Variants in DNAH3 observed in about 807,000 individuals in gnomAD.
DNAH3 encodes axonemal beta dynein heavy chain 3.
Under a neutral mutation model 432.5 loss-of-function variants are expected in DNAH3, and 332 were observed. That is an observed-to-expected ratio of 0.77 (90% CI 0.70 to 0.84). The LOEUF (loss-of-function observed/expected upper bound fraction) is 0.84, where lower values mean the gene tolerates loss of function less well. Ranked by LOEUF, DNAH3 falls within the 40% of genes least tolerant of loss-of-function variation. The pLI is 0.00. For synonymous variants in DNAH3, 1,956 were observed against 1,900.2 expected (o/e 1.03, Z -0.76); for missense variants, 4,861 against 5,114.0 (o/e 0.95, Z 1.51).
chr16:20,975,359 G>T (rs772790603), exon 51 of DNAH3: 2 of 1,614,086 alleles, frequency 1.2e-6, no homozygotes, highest in African/African-American at 2.7e-5. Flanking sequence ...CAGTTTCCTC[G>T]GAGGTGAGGA....
At chr16:21,076,323 C>A (rs9933637) in intron 20 of DNAH3, among the ~76,000 whole-genome samples, 39,506 of 152,024 alleles carry the variant, frequency 0.26, 5,382 homozygotes, top group Admixed American at 0.34. Context: ...ATCTGCAAGC[C>A]AAGGAGAGAG....
At chr16:21,048,371 T>C (rs1158798792) in intron 31 of DNAH3, among the ~76,000 whole-genome samples, 1 of 152,168 alleles carries the variant, frequency 6.6e-6, no homozygotes, top group Non-Finnish European at 1.5e-5. Flanking sequence ...CAGGATATAA[T>C]CTCGTGGTGC....
intron 49 of DNAH3, among the ~76,000 whole-genome samples, chr16:20,981,277 A>G (rs1469873471): frequency 2.0e-5 from 3 of 152,298 alleles, no homozygotes; most frequent in Non-Finnish European, 4.4e-5. Context: ...AATGTTTCCC[A>G]TTCATATTCA....
At chr16:21,098,892 C>T (rs571685777) in intron 16 of DNAH3, 123 bp from the exon 17 acceptor site, 2 of 903,760 alleles carry the variant, frequency 2.2e-6, no homozygotes, top group African/African-American at 3.4e-5. Flanking sequence ...AGATTTCCTC[C>T]CCCAATACTC....
At chr16:21,134,732 T>C (rs188976162) in intron 6 of DNAH3, among the ~76,000 whole-genome samples, 4 of 152,140 alleles carry the variant, frequency 2.6e-5, no homozygotes, top group African/African-American at 7.2e-5. Flanking sequence ...CCAGGCTCGA[T>C]TGCAATGGTT....
intron 57 of DNAH3, among the ~76,000 whole-genome samples, chr16:20,947,791 G>GT (rs1013394114): frequency 4.0e-5 from 6 of 151,882 alleles, no homozygotes; most frequent in African/African-American, 1.5e-4. Context: ...TTGTTTGTTT[G>GT]TTTTTTTGAG....
At chr16:21,140,411 G>C in intron 5 of DNAH3, 125 bp downstream of exon 6, 1 of 1,013,366 alleles carries the variant, frequency 9.9e-7, no homozygotes, top group South Asian at 1.6e-5. Context: ...CCTGTCTTGG[G>C]TCTAGACTTT....
chr16:21,131,668 G>C (rs901278659), intron 7 of DNAH3, among the ~76,000 whole-genome samples: 4 of 151,804 alleles, frequency 2.6e-5, no homozygotes, highest in African/African-American at 4.8e-5. Context: ...TGACCAACAT[G>C]GAGAAACCCT....
At position 21,027,129 on chromosome 16, in the gene DNAH3, T is replaced by TA; in HGVS notation, c.5440-3dup. The TA allele has an allele frequency of 6.2e-7, 1 of 1,610,888 alleles. No homozygotes were observed. The highest frequency in any genetic ancestry group is 1.1e-5 in the South Asian group (1 of 91,010). ...AATTTCCCCACTCATGAGACACAGCTAAAAGTGCAAAGCAGAGGGTAGCAG... is the reference window on the plus strand; with the variant it reads ...AATTTCCCCACTCATGAGACACAGCTAAAAAGTGCAAAGCAGAGGGTAGCAG... On this transcript the variant is annotated splice_region_variant and splice_polypyrimidine_tract_variant and intron_variant, in intron 37 of 61. Coordinates refer to ENST00000261383, the Ensembl canonical transcript of DNAH3.
At chr16:21,130,262 G>C (rs1302532236) in intron 7 of DNAH3, among the ~76,000 whole-genome samples, 1 of 151,388 alleles carries the variant, frequency 6.6e-6, no homozygotes, top group Non-Finnish European at 1.5e-5. Flanking sequence ...GCTGGATAAG[G>C]AAGAGCGGAA....
At chr16:21,013,219 G>GTATCTT (rs2087692294) in intron 41 of DNAH3, among the ~76,000 whole-genome samples, 1 of 151,898 alleles carries the variant, frequency 6.6e-6, no homozygotes, top group East Asian at 1.9e-4. Context: ...AACAAAAGCT[G>GTATCTT]TATCTTTGAA....
At chr16:20,980,235 T>TACATCA (rs1567571800) in intron 49 of DNAH3, among the ~76,000 whole-genome samples, 2 of 107,214 alleles carry the variant, frequency 1.9e-5, no homozygotes, top group Non-Finnish European at 4.2e-5. Context: ...TTTATTTATA[T>TACATCA]TATATATATA....
intron 45 of DNAH3, 41 bp downstream of exon 45, chr16:20,987,901 A>AC (rs771998085): frequency 6.2e-7 from 1 of 1,613,658 alleles, no homozygotes; most frequent in Admixed American, 1.7e-5. Context: ...GAAACTGAGA[A>AC]CCCCCAGCCC....
intron 48 of DNAH3, among the ~76,000 whole-genome samples, chr16:20,984,760 G>C (rs11862926): frequency 0.025 from 3,807 of 152,178 alleles, 181 homozygotes; most frequent in African/African-American, 0.087. Context: ...AGCTACTCAG[G>C]AGGCTGAGGC....
intron 28 of DNAH3, among the ~76,000 whole-genome samples, chr16:21,052,158 A>G (rs2089981697): frequency 6.6e-6 from 1 of 151,892 alleles, no homozygotes; most frequent in Non-Finnish European, 1.5e-5. Context: ...CACCTGGCTA[A>G]TTTTTGTATT....
intron 59 of DNAH3, among the ~76,000 whole-genome samples, chr16:20,939,778 A>G (rs1194381395): frequency 6.6e-6 from 1 of 152,168 alleles, no homozygotes; most frequent in Non-Finnish European, 1.5e-5. Flanking sequence ...CTGGAGCAGC[A>G]AGACCTTGGT....
At position 21,036,607 on chromosome 16, in the gene DNAH3, C is replaced by T. The variant is rs576214588; in HGVS notation, c.5085+107G>A. 4.3e-5 allele frequency: 44 copies of T among 1,029,626 alleles called. 1 individual carries two copies. In the South Asian group the frequency reaches 6.2e-4, roughly 15 times the overall value. The allele number at this position is 1,029,626 out of a possible 1,614,324, so 63.8% of individuals were successfully genotyped here. ...TGTTTTACTTGCATTTCTACACAGG[C>T]ACCTCTGATTGCTGTCACTTCAGTT... On this transcript the variant is annotated intron_variant, in intron 35 of 61. Transcript: ENST00000261383.
intron 20 of DNAH3, among the ~76,000 whole-genome samples, chr16:21,077,584 G>A (rs773342532): frequency 6.6e-6 from 1 of 152,040 alleles, no homozygotes; most frequent in Non-Finnish European, 1.5e-5. Context: ...GGGTCCACCC[G>A]TCCATGGCCC....
In DNAH3 at chr16:20,987,442, CTACA is replaced by C; in HGVS notation, c.6885_6888del (p.Asp2295GlufsTer20). On this transcript the variant is annotated frameshift_variant and splice_region_variant, in exon 47 of 62. Transcript: ENST00000261383. LOFTEE classifies it high-confidence loss of function. The stretch of plus-strand genomic sequence containing the variant: ...TGGATCCAAAGCCGGATACATTTTT[CTACA>C]TCCTAAAAATCCAGAGTTAATTATT... 6.2e-7 allele frequency: 1 copy of C among 1,613,950 alleles called. No individual in the cohort carries two copies. Among genetic ancestry groups the C allele is most frequent in the Non-Finnish European group, 8.5e-7 (1 of 1,179,974 alleles).
Sources: gnomAD v4.1 joint callset for allele counts (sites outside exome capture counted in the v4.1 genomes callset) on GRCh38, gnomAD v4.1.1 for gene constraint, MANE v1.5 for transcripts, NCBI Gene and HGNC (gene_info 2026-07-23, HGNC 2026-07-21) for gene names.